ASMTL: variants seen among roughly 807,000 people sequenced by gnomAD.
ASMTL encodes the protein probable bifunctional dTTP/UTP pyrophosphatase/methyltransferase protein.
A neutral mutation model predicts 60.3 loss-of-function variants in ASMTL; 57 were observed. The ratio of observed to expected loss-of-function variants is 0.95; its 90% CI spans 0.76 to 1.18. The LOEUF is 1.18. Ranked by LOEUF, ASMTL falls within the 50% of genes most tolerant of loss-of-function variation. The pLI, the probability that ASMTL is intolerant of heterozygous loss-of-function variation, is 0.00. For missense variants in ASMTL, 981 were observed against 852.6 expected (o/e 1.15, Z -1.88); for synonymous variants, 419 against 373.0 (o/e 1.12, Z -1.42).
At chrX:1,407,671 C>T (rs1406049762) in intron 12 of ASMTL, among the ~76,000 whole-genome samples, 1 of 151,942 alleles carries the variant, frequency 6.6e-6, no homozygotes, top group Non-Finnish European at 1.5e-5. Context: ...ATGGTTTGAG[C>T]CCAGGAGTTT....
chrX:1,442,865 G>A (rs1300500266), intron 1 of ASMTL, among the ~76,000 whole-genome samples: 5 of 152,188 alleles, frequency 3.3e-5, no homozygotes, highest in South Asian at 2.1e-4. Flanking sequence ...TGCAGAGACC[G>A]TGGGGTCAGG....
At chrX:1,445,569 C>T (rs1198011171) in intron 1 of ASMTL, among the ~76,000 whole-genome samples, 1 of 152,120 alleles carries the variant, frequency 6.6e-6, no homozygotes, top group Non-Finnish European at 1.5e-5. Context: ...TATACTCAGG[C>T]TATCTTCTAC....
In ASMTL at chrX:1,442,329, GA is replaced by G; in HGVS notation, c.94-13del. 6.2e-7 allele frequency: 1 copy of G among 1,613,778 alleles called. No individual in the cohort carries two copies. The highest frequency in any genetic ancestry group is 1.1e-5 in the South Asian group (1 of 91,064). ...TCAAACCTGAGACCCTGCAACAGTA[GA>G]AAAGGGGTCAGAAGGGTCAATGAAA... On this transcript the variant is annotated splice_polypyrimidine_tract_variant and intron_variant, in intron 1 of 12. Coordinates refer to ENST00000381317, the MANE Select transcript of ASMTL (RefSeq NM_004192.4).
chrX:1,435,547 A>G, intron 4 of ASMTL, 147 bp downstream of exon 4: 1 of 760,256 alleles, frequency 1.3e-6, no homozygotes, highest in Admixed American at 2.1e-5. Flanking sequence ...GCCTCCCTGC[A>G]TAGCTCAGAC....
chrX:1,418,165 C>G, intron 10 of ASMTL, 49 bp from the exon 11 acceptor site: 5 of 1,538,838 alleles, frequency 3.2e-6, no homozygotes, highest in Non-Finnish European at 2.6e-6. Flanking sequence ...CTATGGAACT[C>G]TGACGACTCT....
chrX:1,418,061 C>A lies in ASMTL; in HGVS notation c.1434G>T (p.Val478=). The change falls in exon 11 of 13, where the codon GTG becomes GTT. Residue 478 remains valine, a synonymous_variant. Coordinates refer to ENST00000381317, the MANE Select transcript of ASMTL (RefSeq NM_004192.4). The stretch of plus-strand genomic sequence containing the variant: ...TAATGTCTGGGAGGTCAAACACAGT[C>A]ACCTGCATACGAGGGTACTCACGGG... ...ELAREYPRMQ[V]TVFDLPDIIE... The A allele has an allele frequency of 6.2e-7, 1 of 1,613,530 alleles. No homozygotes were observed. The highest frequency in any genetic ancestry group is 8.5e-7 in the Non-Finnish European group (1 of 1,179,600).
At chrX:1,441,281 T>C (rs1464967949) in intron 2 of ASMTL, among the ~76,000 whole-genome samples, 1 of 152,162 alleles carries the variant, frequency 6.6e-6, no homozygotes, top group Non-Finnish European at 1.5e-5. Context: ...TTTGTTTTAA[T>C]TTTTTATTTT....
chrX:1,413,100 C>T (rs2090099123), intron 11 of ASMTL: 1 of 520,496 alleles, frequency 1.9e-6, no homozygotes, highest in Non-Finnish European at 3.5e-6. Context: ...CAGTGGCTCA[C>T]ACCTGTAATC....
At chrX:1,420,333 ATC>A (rs2149300078) in intron 9 of ASMTL, among the ~76,000 whole-genome samples, 1 of 147,666 alleles carries the variant, frequency 6.8e-6, no homozygotes, top group Non-Finnish European at 1.5e-5. Flanking sequence ...GTCTGCCTCC[ATC>A]TCTGTCTGTC....
chrX:1,433,680 A>G (rs2090879366), intron 5 of ASMTL, among the ~76,000 whole-genome samples: 1 of 151,538 alleles, frequency 6.6e-6, no homozygotes, highest in Non-Finnish European at 1.5e-5. Context: ...ACTCTGTCAC[A>G]AAAAAGAAAA....
intron 1 of ASMTL, among the ~76,000 whole-genome samples, chrX:1,451,026 T>TCCC (rs2091361521): frequency 2.1e-5 from 1 of 48,506 alleles, no homozygotes; most frequent in Non-Finnish European, 3.4e-5. Context: ...CTCTGCTTTC[T>TCCC]CCATTCCTAG....
At chrX:1,414,241 A>G (rs1271525622) in intron 11 of ASMTL, among the ~76,000 whole-genome samples, 2 of 152,148 alleles carry the variant, frequency 1.3e-5, no homozygotes, top group Admixed American at 6.6e-5. Context: ...CTCCAGAGGG[A>G]GCACAGCCCT....
intron 1 of ASMTL, among the ~76,000 whole-genome samples, chrX:1,448,181 C>T (rs867242746): frequency 4.7e-5 from 7 of 148,420 alleles, no homozygotes; most frequent in South Asian, 4.3e-4. Flanking sequence ...GGACACACAC[C>T]GCCATCTTGG....
At chrX:1,451,646 G>A in intron 1 of ASMTL, among the ~76,000 whole-genome samples, 1 of 126,984 alleles carries the variant, frequency 7.9e-6, no homozygotes, top group Admixed American at 7.9e-5. Flanking sequence ...CCCTAGGGGG[G>A]TCCCGGGTCA....
chrX:1,403,555 G>A, intron 12 of ASMTL, 66 bp from the exon 13 acceptor site: 1 of 1,462,488 alleles, frequency 6.8e-7, no homozygotes, highest in Non-Finnish European at 9.5e-7. Flanking sequence ...CAGGACACAG[G>A]GGACACAGCA....
rs201634200 is a variant in ASMTL, at chrX:1,439,162, T to A, written c.226-18A>T. The A allele has an allele frequency of 2.8e-5, 45 of 1,613,862 alleles. No individual in the cohort carries two copies. Among genetic ancestry groups the A allele is most frequent in the African/African-American group, 8.0e-5 (6 of 75,054 alleles). ...AGGTCTTTCTGTAAGAAAACCAGATTCCGGTTTACCGGTGACGTGCCGTGG... is the reference window on the plus strand; with the variant it reads ...AGGTCTTTCTGTAAGAAAACCAGATACCGGTTTACCGGTGACGTGCCGTGG... On this transcript the variant is annotated intron_variant, in intron 2 of 12. Coordinates refer to ENST00000381317, the MANE Select transcript of ASMTL (RefSeq NM_004192.4).
At chrX:1,414,148 G>C (rs1458920377) in intron 11 of ASMTL, 1 of 151,530 alleles carries the variant, frequency 6.6e-6, no homozygotes, top group African/African-American at 2.4e-5. Flanking sequence ...TGGAGGCAGA[G>C]ACTGGAGTGA....
chrX:1,416,921 T>TGC (rs1483724373), intron 11 of ASMTL, among the ~76,000 whole-genome samples: 3 of 137,484 alleles, frequency 2.2e-5, no homozygotes, highest in African/African-American at 8.3e-5. Context: ...ACCACAGAGG[T>TGC]GCACACACAC....
intron 3 of ASMTL, among the ~76,000 whole-genome samples, chrX:1,437,782 C>T (rs1279218375): frequency 7.3e-5 from 11 of 150,922 alleles, no homozygotes; most frequent in Admixed American, 7.3e-4. Context: ...CTGTAGTCCC[C>T]GCTACTCGGG....
Sources: allele counts gnomAD v4.1 joint callset (sites outside exome capture counted in the v4.1 genomes callset), GRCh38; gene constraint gnomAD v4.1.1; transcripts MANE v1.5; gene names NCBI Gene and HGNC (gene_info 2026-07-23, HGNC 2026-07-21).